KIF5C: variants seen among roughly 807,000 people sequenced by gnomAD.
KIF5C encodes the protein kinesin heavy chain isoform 5C.
A neutral mutation model predicts 125.2 loss-of-function variants in KIF5C; 18 were observed. The observed-to-expected ratio is 0.14, with a 90% CI of 0.10 to 0.21. The LOEUF (loss-of-function observed/expected upper bound fraction) is 0.21, where lower values mean the gene tolerates loss of function less well. KIF5C is among the 10% of genes least tolerant of loss of function. The pLI, the probability that KIF5C is intolerant of heterozygous loss-of-function variation, is 1.00. For missense variants in KIF5C, 780 were observed against 1,183.8 expected (o/e 0.66, Z 5.01); for synonymous variants, 405 against 434.0 (o/e 0.93, Z 0.83).
At position 149,025,395 on chromosome 2, in the gene KIF5C, G is replaced by T. The variant is rs1682659633; in HGVS notation, c.*2325G>T. 2 of 152,544 alleles carry T rather than the reference G, an allele frequency of 1.3e-5. No homozygotes were observed. Among genetic ancestry groups the T allele is most frequent in the South Asian group, 4.1e-4 (2 of 4,828 alleles). The allele number at this position is 152,544 out of a possible 1,614,324, so 9.4% of individuals were successfully genotyped here. A position where few individuals can be genotyped will look rare whatever the true frequency, so the allele number is the denominator to read the frequency against. On this transcript the variant is annotated 3_prime_UTR_variant, in exon 26 of 26. Transcript: ENST00000435030. The stretch of plus-strand genomic sequence containing the variant: ...ATTATTGGAACGGATTATTCAAATG[G>T]ATCCTTAAATATTGCTATGTATAAT...
intron 1 of KIF5C, among the ~76,000 whole-genome samples, chr2:148,893,469 A>G (rs950253904): frequency 8.5e-5 from 13 of 152,068 alleles, no homozygotes; most frequent in Admixed American, 7.9e-4. Flanking sequence ...CTAACTATCC[A>G]TTGTGTCCTA....
chr2:148,947,181 C>T, intron 8 of KIF5C, 158 bp downstream of exon 8: 1 of 1,206,890 alleles, frequency 8.3e-7, no homozygotes, highest in Non-Finnish European at 1.1e-6. Flanking sequence ...CCCTTTGTCC[C>T]TGCTTTCTTT....
chr2:148,952,432 T>G (rs1198513780), intron 10 of KIF5C, among the ~76,000 whole-genome samples: 1 of 152,178 alleles, frequency 6.6e-6, no homozygotes, highest in Non-Finnish European at 1.5e-5. Context: ...TCAGTTAGTG[T>G]CTAATATATG....
In KIF5C at chr2:149,005,590, C is replaced by T; in HGVS notation, c.2445+126C>T. 4 of 1,351,030 alleles carry T rather than the reference C, an allele frequency of 3.0e-6. No homozygotes were observed. The South Asian group carries it at 4.3e-5, about 14-fold the overall frequency. 83.7% of individuals were successfully genotyped at this position (1,351,030 alleles called of 1,614,324 possible). On this transcript the variant is annotated intron_variant, in intron 22 of 25. Coordinates refer to ENST00000435030, the MANE Select transcript of KIF5C (RefSeq NM_004522.3). The stretch of plus-strand genomic sequence containing the variant: ...ATGCTTAAAAATTAATTACTGCACA[C>T]CAGAGAATGTTATTAAAAGAATGTG...
chr2:148,912,349 G>C (rs925924873), intron 1 of KIF5C, among the ~76,000 whole-genome samples: 1 of 152,212 alleles, frequency 6.6e-6, no homozygotes, highest in Admixed American at 6.5e-5. Flanking sequence ...TGCAATGCTT[G>C]TGTGTCAACT....
chr2:148,892,223 G>A (rs1381422446), intron 1 of KIF5C, among the ~76,000 whole-genome samples: 1 of 152,188 alleles, frequency 6.6e-6, no homozygotes. Context: ...ATGTTTGAGT[G>A]CACAGCATTT....
At chr2:149,018,046 T>C (rs1243794966) in intron 25 of KIF5C, among the ~76,000 whole-genome samples, 1 of 152,188 alleles carries the variant, frequency 6.6e-6, no homozygotes, top group East Asian at 1.9e-4. Context: ...CCCAGCACTC[T>C]GAGAGGCTGA....
At chr2:149,021,121 A>G (rs6713489) in intron 25 of KIF5C, among the ~76,000 whole-genome samples, 11,549 of 152,140 alleles carry the variant, frequency 0.076, 1,252 homozygotes, top group African/African-American at 0.24. Flanking sequence ...GGAGTGCAGC[A>G]GCATGATCTC....
At chr2:148,990,006 A>G (rs990300519) in intron 15 of KIF5C, among the ~76,000 whole-genome samples, 6 of 152,198 alleles carry the variant, frequency 3.9e-5, no homozygotes, top group Non-Finnish European at 7.3e-5. Context: ...GGTTGGAGTC[A>G]TTGTCTTTCA....
intron 16 of KIF5C, 50 bp downstream of exon 16, chr2:148,991,248 C>T (rs763225594): frequency 1.3e-6 from 2 of 1,583,244 alleles, no homozygotes; most frequent in East Asian, 2.3e-5. Context: ...TTGAGATCTG[C>T]TCCCTCCATG....
chr2:148,975,427 G>A (rs577782646), intron 12 of KIF5C, among the ~76,000 whole-genome samples: 1 of 152,296 alleles, frequency 6.6e-6, no homozygotes, highest in South Asian at 2.1e-4. Flanking sequence ...TTAGGTTTGG[G>A]TGAGGCACTA....
chr2:148,996,336 A>C (rs561145847), intron 17 of KIF5C, among the ~76,000 whole-genome samples: 1 of 152,382 alleles, frequency 6.6e-6, no homozygotes, highest in African/African-American at 2.4e-5. Context: ...AAAAGAAAGA[A>C]CATACCCACT....
intron 11 of KIF5C, among the ~76,000 whole-genome samples, chr2:148,963,476 T>A (rs897133877): frequency 1.3e-5 from 2 of 152,120 alleles, no homozygotes; most frequent in Admixed American, 6.5e-5. Context: ...TCAAGACAGG[T>A]TTCAAAAATG....
rs765950375 is a variant in KIF5C at position 149,011,612 on chromosome 2, C to T, written c.2810C>T (p.Thr937Met). ...RPGHYPASSP[T>M]AVHAIRGGGG... ...GGACACTACCCGGCCTCATCTCCAACGGCCGTCCATGCCATTCGAGGGGGA... is the reference window on the plus strand; with the variant it reads ...GGACACTACCCGGCCTCATCTCCAATGGCCGTCCATGCCATTCGAGGGGGA... The change falls in exon 25 of 26, where the codon ACG becomes ATG. Residue 937 changes from threonine to methionine, a missense_variant. By Grantham distance (81) the Thr-to-Met change is moderately conservative (BLOSUM62 -1). Around this residue, in one of 2 missense-constraint regions of KIF5C, gnomAD observed 573 missense variants for 742.6 expected, o/e 0.77. Transcript: ENST00000435030. 29 of 1,613,962 alleles carry T rather than the reference C, an allele frequency of 1.8e-5. No homozygotes were observed. Among genetic ancestry groups the T allele is most frequent in the East Asian group, 1.3e-4 (6 of 44,900 alleles).
chr2:148,976,828 G>T (rs1402704417), intron 12 of KIF5C, among the ~76,000 whole-genome samples: 1 of 152,010 alleles, frequency 6.6e-6, no homozygotes, highest in Non-Finnish European at 1.5e-5. Context: ...TGATCAAGCT[G>T]CCTTGGCCTC....
chr2:148,910,042 T>G (rs951967869), intron 1 of KIF5C, among the ~76,000 whole-genome samples: 8 of 152,222 alleles, frequency 5.3e-5, no homozygotes, highest in African/African-American at 1.9e-4. Flanking sequence ...GGAGTAAAAT[T>G]TTAAAAATTC....
chr2:148,937,701 T>A (rs1172652737), intron 4 of KIF5C, among the ~76,000 whole-genome samples: 3 of 152,246 alleles, frequency 2.0e-5, no homozygotes, highest in Non-Finnish European at 4.4e-5. Context: ...GGGCAGCATT[T>A]TCCAAAGTGT....
chr2:149,007,659 CTATT>C (rs1260281981), intron 22 of KIF5C, among the ~76,000 whole-genome samples: 7 of 151,452 alleles, frequency 4.6e-5, no homozygotes, highest in Admixed American at 1.3e-4. Context: ...AAAGAAGTCT[CTATT>C]TACTACATGA....
intron 1 of KIF5C, among the ~76,000 whole-genome samples, chr2:148,885,175 G>C (rs775378963): frequency 1.3e-5 from 2 of 152,020 alleles, no homozygotes; most frequent in Non-Finnish European, 2.9e-5. Context: ...TAGTAGAGAC[G>C]GGGTTTCACC....
Sources: allele counts gnomAD v4.1 joint callset (sites outside exome capture counted in the v4.1 genomes callset), GRCh38; gene constraint gnomAD v4.1.1; regional missense constraint gnomAD v4.1.1; transcripts MANE v1.5; gene names NCBI Gene and HGNC (gene_info 2026-07-23, HGNC 2026-07-21).